DOCK3: variants seen among roughly 807,000 people sequenced by gnomAD.
The protein encoded by DOCK3 is dedicator of cytokinesis protein 3.
In DOCK3, 60 loss-of-function variants were observed where a neutral mutation model predicts 265.6. That is an observed-to-expected ratio of 0.23 (90% CI 0.18 to 0.28). The LOEUF (loss-of-function observed/expected upper bound fraction) is 0.28, where lower values mean the gene tolerates loss of function less well. Among genes scored for constraint, DOCK3 ranks in the 10% least tolerant of loss-of-function variants. The pLI is 1.00. For missense variants in DOCK3, 1,981 were observed against 2,594.3 expected, an observed-to-expected ratio of 0.76 and a Z score of 5.14; for synonymous variants, 881 against 938.0, an observed-to-expected ratio of 0.94 and a Z score of 1.11.
At chr3:51,245,171 A>C (rs1279783049) in intron 21 of DOCK3, among the ~76,000 whole-genome samples, 1 of 151,994 alleles carries the variant, frequency 6.6e-6, no homozygotes, top group East Asian at 1.9e-4. Flanking sequence ...TCTACTAAAA[A>C]TACAAAAATC....
intron 1 of DOCK3, among the ~76,000 whole-genome samples, chr3:50,683,843 C>T (rs71615490): frequency 8.5e-6 from 1 of 117,186 alleles, no homozygotes; most frequent in Non-Finnish European, 1.8e-5. Context: ...TCCTCCCCCC[C>T]CCCCACCCAC....
intron 7 of DOCK3, among the ~76,000 whole-genome samples, chr3:51,088,536 T>C (rs1170967223): frequency 6.6e-6 from 1 of 152,224 alleles, no homozygotes; most frequent in African/African-American, 2.4e-5. Flanking sequence ...TCATAAATAT[T>C]TTAAAATATT....
intron 27 of DOCK3, among the ~76,000 whole-genome samples, chr3:51,303,736 G>A (rs569185618): frequency 6.6e-6 from 1 of 152,290 alleles, no homozygotes; most frequent in East Asian, 1.9e-4. Context: ...CCCACACCCA[G>A]AGGTGTCACC....
intron 21 of DOCK3, among the ~76,000 whole-genome samples, chr3:51,246,067 A>G (rs1032877477): frequency 2.0e-5 from 3 of 152,138 alleles, no homozygotes; most frequent in African/African-American, 7.2e-5. Flanking sequence ...CTGAGTCCTA[A>G]GGAAATAAGA....
Position 50,884,720 on chromosome 3 carries a change from T to A in DOCK3, c.163-5306T>A, listed in dbSNP as rs963454826. 1.6e-4 allele frequency among the ~76,000 whole-genome samples: 25 copies of A among 152,258 alleles called. 1 individual carries two copies. Among genetic ancestry groups the A allele is most frequent in the African/African-American group, 4.8e-4 (20 of 41,572 alleles). ...AATTTGGAAAGTTTTGTGTCATTTT[T>A]AAAATTTTACATTTCAAATTAGACT... On this transcript the variant is annotated intron_variant, in intron 3 of 52. Coordinates refer to ENST00000266037, the MANE Select transcript of DOCK3 (RefSeq NM_004947.5).
At chr3:51,141,393 T>A (rs1271492758) in intron 9 of DOCK3, among the ~76,000 whole-genome samples, 1 of 151,694 alleles carries the variant, frequency 6.6e-6, no homozygotes, top group African/African-American at 2.4e-5. Context: ...TTAGTAATCA[T>A]CACAGCAGTT....
At chr3:51,208,673 T>C (rs926231285) in intron 12 of DOCK3, 101 bp from the exon 13 acceptor site, 8 of 877,026 alleles carry the variant, frequency 9.1e-6, no homozygotes, top group African/African-American at 1.7e-5. Context: ...TTTAGGAAAG[T>C]GAGGGATCCT....
At chr3:50,940,712 T>G (rs1454746565) in intron 5 of DOCK3, among the ~76,000 whole-genome samples, 2 of 151,894 alleles carry the variant, frequency 1.3e-5, no homozygotes, top group Non-Finnish European at 2.9e-5. Flanking sequence ...CAAGGCAGAG[T>G]GGTACTGGCA....
At chr3:50,682,225 G>T (rs961200769) in intron 1 of DOCK3, among the ~76,000 whole-genome samples, 2 of 152,202 alleles carry the variant, frequency 1.3e-5, no homozygotes, top group African/African-American at 4.8e-5. Flanking sequence ...AAATTTGCAT[G>T]TTCAGCCTCA....
At chr3:50,781,232 C>T (rs1242337279) in intron 2 of DOCK3, among the ~76,000 whole-genome samples, 1 of 150,896 alleles carries the variant, frequency 6.6e-6, no homozygotes, top group East Asian at 1.9e-4. Flanking sequence ...AAAAAGAATC[C>T]CACTGGGGTG....
chr3:51,263,151 T>C (rs955408146), intron 23 of DOCK3, among the ~76,000 whole-genome samples: 1 of 152,128 alleles, frequency 6.6e-6, no homozygotes, highest in African/African-American at 2.4e-5. Context: ...AAGGAAAATA[T>C]GTTAAAGGCA....
At chr3:50,694,897 C>A (rs753587233) in intron 1 of DOCK3, among the ~76,000 whole-genome samples, 1 of 152,128 alleles carries the variant, frequency 6.6e-6, no homozygotes, top group Non-Finnish European at 1.5e-5. Context: ...AGAAGCAAGC[C>A]TATTTTACTT....
At chr3:50,845,105 C>G (rs1279276514) in intron 3 of DOCK3, among the ~76,000 whole-genome samples, 1 of 152,000 alleles carries the variant, frequency 6.6e-6, no homozygotes, top group Non-Finnish European at 1.5e-5. Flanking sequence ...CTCCTGTGAT[C>G]CTGGCTACTC....
chr3:51,347,474 C>G (rs935209135), intron 38 of DOCK3, among the ~76,000 whole-genome samples: 1 of 152,248 alleles, frequency 6.6e-6, no homozygotes, highest in Non-Finnish European at 1.5e-5. Flanking sequence ...TTTCTGAGGA[C>G]TCTGTTCTGT....
intron 2 of DOCK3, among the ~76,000 whole-genome samples, chr3:50,801,103 T>G (rs557331548): frequency 3.6e-4 from 55 of 151,926 alleles, no homozygotes; most frequent in Non-Finnish European, 6.0e-4. Flanking sequence ...AAATTTTCTG[T>G]TTTTTTTCTT....
At chr3:51,215,880 G>A (rs1024614631) in intron 14 of DOCK3, among the ~76,000 whole-genome samples, 7 of 151,868 alleles carry the variant, frequency 4.6e-5, no homozygotes, top group Admixed American at 4.6e-4. Flanking sequence ...GGTAATGACT[G>A]CCACAGGACA....
intron 9 of DOCK3, among the ~76,000 whole-genome samples, chr3:51,097,796 G>A (rs140987353): frequency 1.2e-3 from 185 of 152,354 alleles, no homozygotes; most frequent in African/African-American, 3.5e-3. Flanking sequence ...TGGGGAAAGC[G>A]TAGTATCTGG....
chr3:51,008,416 TTGGCTCTC>T (rs1447417681), intron 5 of DOCK3, among the ~76,000 whole-genome samples: 1 of 152,234 alleles, frequency 6.6e-6, no homozygotes, highest in East Asian at 1.9e-4. Flanking sequence ...CACTCGTGAT[TTGGCTCTC>T]TGTTTGTCTG....
At chr3:51,106,288 G>A (rs780612812) in intron 9 of DOCK3, among the ~76,000 whole-genome samples, 5 of 152,158 alleles carry the variant, frequency 3.3e-5, no homozygotes, top group African/African-American at 1.2e-4. Context: ...TAATTTGTGG[G>A]TACCCACATC....
Sources: allele counts gnomAD v4.1 joint callset (sites outside exome capture counted in the v4.1 genomes callset), GRCh38; gene constraint gnomAD v4.1.1; transcripts MANE v1.5; gene names NCBI Gene and HGNC (gene_info 2026-07-23, HGNC 2026-07-21).